Variants in MGAM observed in about 807,000 individuals in gnomAD.
The protein encoded by MGAM is maltase-glucoamylase, also known as alpha-1,4-glucosidase.
In MGAM, 253 loss-of-function variants were observed where a neutral mutation model predicts 358.8. The observed-to-expected ratio is 0.71, with a 90% CI of 0.64 to 0.78. The LOEUF (loss-of-function observed/expected upper bound fraction) is 0.78. Among genes scored for constraint, MGAM ranks in the 30% least tolerant of loss-of-function variants. The pLI is 0.00. For synonymous variants in MGAM, 1,105 were observed against 1,227.1 expected, an observed-to-expected ratio of 0.90 and a Z score of 2.08; for missense variants, 3,080 against 3,432.6, an observed-to-expected ratio of 0.90 and a Z score of 2.57.
chr7:142,009,612 T>G (rs1805445174), intron 3 of MGAM, among the ~76,000 whole-genome samples: 1 of 152,184 alleles, frequency 6.6e-6, no homozygotes, highest in Non-Finnish European at 1.5e-5. Flanking sequence ...GATCTTTTGA[T>G]AAATACTGTG....
rs146672890 is a variant in MGAM, at chr7:142,102,821, G to A, written c.8013+142G>A. On this transcript the variant is annotated intron_variant, in intron 69 of 70. Transcript: ENST00000475668. ...CATTCTTCTACTTCTCTAGACTTCC[G>A]GTGGAAATTTACTATGCTCCCAGGA... is the stretch of plus-strand genomic sequence containing the variant. The A allele has an allele frequency of 2.0e-4, 170 of 851,998 alleles. No individual in the cohort carries two copies. In the African/African-American group the frequency reaches 2.1e-3, roughly 11 times the overall value. 52.8% of individuals were successfully genotyped at this position (851,998 alleles called of 1,614,324 possible). A position where few individuals can be genotyped will look rare whatever the true frequency, so the allele number is the denominator to read the frequency against.
chr7:142,062,828 C>T (rs996830712), intron 35 of MGAM, 126 bp downstream of exon 35: 1 of 1,465,802 alleles, frequency 6.8e-7, no homozygotes, highest in East Asian at 2.3e-5. Flanking sequence ...ACATAGCAGA[C>T]ACTTCTTCCT....
intron 12 of MGAM, among the ~76,000 whole-genome samples, chr7:142,031,447 A>T (rs564577840): frequency 2.0e-5 from 3 of 152,322 alleles, no homozygotes; most frequent in South Asian, 2.1e-4. Flanking sequence ...CAATGCCTTT[A>T]TCCACGAATT....
In MGAM at chr7:142,086,603, A is replaced by C; in HGVS notation, c.6748-52A>C. 2 of 905,034 alleles carry C rather than the reference A, an allele frequency of 2.2e-6. 1 individual carries two copies. The allele number at this position is 905,034 out of a possible 1,614,324, so 56.1% of individuals were successfully genotyped here. A position where few individuals can be genotyped will look rare whatever the true frequency, so the allele number is the denominator to read the frequency against. On this transcript the variant is annotated intron_variant, in intron 56 of 70. Coordinates refer to ENST00000475668, the MANE Select transcript of MGAM (RefSeq NM_001365693.1). ...ATATAATAATTTCTTTGGAAATACTATGTAAGGGAAATTGTCTAGTGCATC... is the reference window on the plus strand; with the variant it reads ...ATATAATAATTTCTTTGGAAATACTCTGTAAGGGAAATTGTCTAGTGCATC...
intron 21 of MGAM, among the ~76,000 whole-genome samples, chr7:142,043,100 T>A (rs865982382): frequency 3.2e-5 from 2 of 61,856 alleles, no homozygotes; most frequent in African/African-American, 1.7e-4. Context: ...ATATTATATA[T>A]ACATATAATA....
chr7:142,071,190 T>C, intron 44 of MGAM, 72 bp downstream of exon 44: 1 of 1,458,102 alleles, frequency 6.9e-7, no homozygotes, highest in East Asian at 2.4e-5. Flanking sequence ...TCTACCAAAA[T>C]GTAAGCATCA....
At chr7:142,048,727 G>A (rs576048534) in intron 22 of MGAM, among the ~76,000 whole-genome samples, 1 of 152,198 alleles carries the variant, frequency 6.6e-6, no homozygotes, top group East Asian at 1.9e-4. Context: ...GTTCCAGTAG[G>A]AAAGAGAAGG....
At chr7:142,020,499 G>A (rs1806340331) in intron 4 of MGAM, among the ~76,000 whole-genome samples, 2 of 151,568 alleles carry the variant, frequency 1.3e-5, no homozygotes, top group Admixed American at 1.3e-4. Context: ...GCCATAGATA[G>A]TATGTGCGTA....
chr7:141,998,258 C>T (rs1252589792), intron 1 of MGAM, among the ~76,000 whole-genome samples: 2 of 151,962 alleles, frequency 1.3e-5, no homozygotes, highest in Non-Finnish European at 2.9e-5. Context: ...TTAAATTTTA[C>T]TTTAAGTTCT....
intron 44 of MGAM, among the ~76,000 whole-genome samples, chr7:142,072,731 A>G (rs897899339): frequency 2.7e-5 from 4 of 146,054 alleles, no homozygotes; most frequent in Admixed American, 6.9e-5. Context: ...CTTCTCCTCT[A>G]TTTGCAAGCC....
chr7:142,098,968 G>T (rs889633990), intron 66 of MGAM, among the ~76,000 whole-genome samples: 1 of 152,176 alleles, frequency 6.6e-6, no homozygotes, highest in Non-Finnish European at 1.5e-5. Context: ...CAAAAACTAT[G>T]GCCCACAGCC....
chr7:142,015,803 T>G (rs940418851), intron 3 of MGAM, among the ~76,000 whole-genome samples: 101 of 152,230 alleles, frequency 6.6e-4, no homozygotes, highest in African/African-American at 2.3e-3. Flanking sequence ...ACAGTTTTGG[T>G]GGATATCCAT....
At chr7:142,070,811 A>T (rs1368804086) in intron 43 of MGAM, among the ~76,000 whole-genome samples, 183 bp from the exon 44 acceptor site, 1 of 146,442 alleles carries the variant, frequency 6.8e-6, no homozygotes, top group Non-Finnish European at 1.5e-5. Context: ...ACAAGATATT[A>T]TAGCAGCCTT....
At chr7:142,041,691 G>C (rs772673855) in intron 21 of MGAM, among the ~76,000 whole-genome samples, 1 of 150,092 alleles carries the variant, frequency 6.7e-6, no homozygotes, top group Non-Finnish European at 1.5e-5. Context: ...CTCTTTCCCA[G>C]ACATACGTAT....
chr7:142,069,783 T>A (rs1426069550), intron 43 of MGAM, among the ~76,000 whole-genome samples: 4 of 145,616 alleles, frequency 2.7e-5, no homozygotes, highest in Non-Finnish European at 6.2e-5. Flanking sequence ...CAGCTTTCTT[T>A]ACGTGAGACT....
chr7:142,061,705 GACAA>G (rs947659518), intron 34 of MGAM, among the ~76,000 whole-genome samples: 1 of 152,016 alleles, frequency 6.6e-6, no homozygotes, highest in African/African-American at 2.4e-5. Context: ...TATTTACTGA[GACAA>G]ACAAAGGACT....
Position 142,097,734 on chromosome 7 carries a change from C to T in MGAM, c.7749+85C>T, listed in dbSNP as rs533941487. 13 of 1,423,892 alleles carry T rather than the reference C, an allele frequency of 9.1e-6. No individual in the cohort carries two copies. In the African/African-American group the frequency reaches 1.7e-4, roughly 19 times the overall value. The allele number at this position is 1,423,892 out of a possible 1,614,324, so 88.2% of individuals were successfully genotyped here. A position where few individuals can be genotyped will look rare whatever the true frequency, so the allele number is the denominator to read the frequency against. Reference sequence around the variant, plus strand: ...GATCTGATAGACCTTAGGTCAAATGCTGGCTCTGTAACCCACCTGCTGTGT... The same window carrying T: ...GATCTGATAGACCTTAGGTCAAATGTTGGCTCTGTAACCCACCTGCTGTGT... On this transcript the variant is annotated intron_variant, in intron 66 of 70. Transcript: ENST00000475668.
chr7:142,061,423 C>T (rs1812189366), intron 34 of MGAM, among the ~76,000 whole-genome samples: 1 of 152,156 alleles, frequency 6.6e-6, no homozygotes, highest in Admixed American at 6.5e-5. Context: ...CCCTGGCATG[C>T]CCACGTCTCT....
In MGAM at chr7:142,083,838, G is replaced by C. The variant is rs548910412; in HGVS notation, c.6381+425G>C. Among the ~76,000 whole-genome samples the C allele has an allele frequency of 2.0e-3, 288 of 144,220 alleles. 3 individuals carry two copies. The highest frequency in any genetic ancestry group is 6.4e-3 in the African/African-American group (262 of 40,922). The allele number at this position is 144,220 out of a possible 152,430, so 94.6% of individuals were successfully genotyped here. On this transcript the variant is annotated intron_variant, in intron 53 of 70. Coordinates refer to ENST00000475668, the MANE Select transcript of MGAM (RefSeq NM_001365693.1). ...GAGTGTTGGTGATGGTGGTGATAGTGGTGGTGATGGTGACGATGATGGGGT... is the reference window on the plus strand; with the variant it reads ...GAGTGTTGGTGATGGTGGTGATAGTCGTGGTGATGGTGACGATGATGGGGT...
Sources: gnomAD v4.1 joint callset for allele counts (sites outside exome capture counted in the v4.1 genomes callset) on GRCh38, gnomAD v4.1.1 for gene constraint, MANE v1.5 for transcripts, NCBI Gene and HGNC (gene_info 2026-07-23, HGNC 2026-07-21) for gene names.